The following GNAQ variants were observed in gnomAD, a reference collection of about 807,000 sequenced individuals.
The protein encoded by GNAQ is guanine nucleotide-binding protein G(q) subunit alpha.
A neutral mutation model predicts 43.9 loss-of-function variants in GNAQ; 8 were observed. That is an observed-to-expected ratio of 0.18 (90% CI 0.11 to 0.33). The LOEUF is 0.33. Ranked by LOEUF, GNAQ falls within the 10% of genes least tolerant of loss-of-function variation. The pLI is 1.00. For missense variants in GNAQ, 158 were observed against 450.8 expected, an observed-to-expected ratio of 0.35 and a Z score of 5.88; for synonymous variants, 155 against 170.7, an observed-to-expected ratio of 0.91 and a Z score of 0.71.
intron 1 of GNAQ, among the ~76,000 whole-genome samples, chr9:78,015,162 G>A (rs955127472): frequency 6.6e-6 from 1 of 152,166 alleles, no homozygotes; most frequent in Non-Finnish European, 1.5e-5. Context: ...GTTAAGATAT[G>A]TTTGGATACA....
chr9:77,742,199 A>C (rs1825663060), intron 5 of GNAQ, among the ~76,000 whole-genome samples: 1 of 152,198 alleles, frequency 6.6e-6, no homozygotes, highest in African/African-American at 2.4e-5. Context: ...CCTTCCCTGC[A>C]AACTGTAAAG....
At chr9:77,804,757 A>G (rs1826799956) in intron 3 of GNAQ, among the ~76,000 whole-genome samples, 1 of 152,192 alleles carries the variant, frequency 6.6e-6, no homozygotes, top group Non-Finnish European at 1.5e-5. Flanking sequence ...GAGAGGCTGC[A>G]TTTATAACAA....
intron 2 of GNAQ, among the ~76,000 whole-genome samples, chr9:77,888,893 C>T (rs967169165): frequency 2.6e-5 from 4 of 152,152 alleles, no homozygotes; most frequent in African/African-American, 9.6e-5. Context: ...GGAGAGGACA[C>T]GGAAGAGATT....
chr9:78,011,241 A>G lies in GNAQ; in HGVS notation c.136+19859T>C, dbSNP rs375580676. On this transcript the variant is annotated intron_variant, in intron 1 of 6. Transcript: ENST00000286548. Reference sequence around the variant, plus strand: ...CTCTACTCAGACAACTGAACAGCTAAAAATAGAATATATACCATCATCTTC... The same window carrying G: ...CTCTACTCAGACAACTGAACAGCTAGAAATAGAATATATACCATCATCTTC... 4.6e-5 allele frequency among the ~76,000 whole-genome samples: 7 copies of G among 152,210 alleles called. No homozygotes were observed. The South Asian group carries it at 1.4e-3, about 31-fold the overall frequency.
intron 1 of GNAQ, among the ~76,000 whole-genome samples, chr9:77,942,773 G>C (rs1338678785): frequency 6.6e-6 from 1 of 152,112 alleles, no homozygotes; most frequent in Non-Finnish European, 1.5e-5. Context: ...TAAAAATAAA[G>C]ACACTTGAAA....
chr9:78,007,953 T>A (rs1823727150), intron 1 of GNAQ, among the ~76,000 whole-genome samples: 1 of 152,060 alleles, frequency 6.6e-6, no homozygotes, highest in Admixed American at 6.6e-5. Flanking sequence ...AGGCCAAAAT[T>A]TTTTTTGGAA....
chr9:78,007,258 A>C (rs552575752), intron 1 of GNAQ, among the ~76,000 whole-genome samples: 1 of 152,310 alleles, frequency 6.6e-6, no homozygotes, highest in South Asian at 2.1e-4. Context: ...TTCAGCTGGG[A>C]AAGTACAAGT....
At chr9:77,823,963 A>G (rs1398185691) in intron 2 of GNAQ, among the ~76,000 whole-genome samples, 2 of 152,208 alleles carry the variant, frequency 1.3e-5, no homozygotes, top group Admixed American at 6.5e-5. Flanking sequence ...AAATTTTTCA[A>G]AATATAAAAT....
chr9:77,916,796 T>C (rs528967473), intron 2 of GNAQ, among the ~76,000 whole-genome samples: 20 of 151,764 alleles, frequency 1.3e-4, no homozygotes, highest in Non-Finnish European at 2.2e-4. Flanking sequence ...CCACTCAACA[T>C]TGGCCCAAGG....
chr9:77,879,244 A>G lies in GNAQ; in HGVS notation c.321+42917T>C, dbSNP rs138016955. 2.6e-4 allele frequency among the ~76,000 whole-genome samples: 40 copies of G among 152,180 alleles called. No homozygotes were observed. The South Asian group carries it at 5.4e-3, about 20-fold the overall frequency. On this transcript the variant is annotated intron_variant, in intron 2 of 6. Coordinates refer to ENST00000286548, the MANE Select transcript of GNAQ (RefSeq NM_002072.5). ...GTCACCCAGAAATTGTTCTTACTGG[A>G]TGCTGGATTTTTCTTTTTTAGTTTT... is the stretch of plus-strand genomic sequence containing the variant.
At chr9:77,805,497 TG>T (rs1215346359) in intron 3 of GNAQ, among the ~76,000 whole-genome samples, 11 of 151,920 alleles carry the variant, frequency 7.2e-5, no homozygotes, top group Non-Finnish European at 1.2e-4. Context: ...CTCTGCCTCC[TG>T]GGTTCAAGCG....
Position 77,887,849 on chromosome 9 carries a change from T to C in GNAQ, c.321+34312A>G, listed in dbSNP as rs539822420. ...AGGCTTCTTTCTGTTGCACTCTTAA[T>C]CATTTTGTCCACACCCTTTCAATAA... On this transcript the variant is annotated intron_variant, in intron 2 of 6. Coordinates refer to ENST00000286548, the MANE Select transcript of GNAQ (RefSeq NM_002072.5). Among the ~76,000 whole-genome samples, 6 of 152,340 alleles carry C rather than the reference T, an allele frequency of 3.9e-5. No homozygotes were observed. In the South Asian group the frequency reaches 1.0e-3, roughly 26 times the overall value.
chr9:78,026,754 G>C (rs955535041), intron 1 of GNAQ, among the ~76,000 whole-genome samples: 8 of 152,160 alleles, frequency 5.3e-5, no homozygotes, highest in Admixed American at 6.5e-5. Context: ...GCTTAAATTG[G>C]CTACAGCACT....
At chr9:77,835,165 G>C (rs1204449470) in intron 2 of GNAQ, among the ~76,000 whole-genome samples, 1 of 151,980 alleles carries the variant, frequency 6.6e-6, no homozygotes, top group Non-Finnish European at 1.5e-5. Flanking sequence ...ACAATACACA[G>C]AACAGCATGC....
At chr9:77,963,557 A>G (rs1489207986) in intron 1 of GNAQ, among the ~76,000 whole-genome samples, 1 of 152,180 alleles carries the variant, frequency 6.6e-6, no homozygotes, top group Non-Finnish European at 1.5e-5. Context: ...AGCACAATCA[A>G]AGCAATGGCT....
intron 1 of GNAQ, among the ~76,000 whole-genome samples, chr9:77,993,008 A>C (rs996996900): frequency 1.4e-4 from 21 of 152,200 alleles, no homozygotes; most frequent in African/African-American, 5.1e-4. Flanking sequence ...TTTCTATTGT[A>C]ATATCAGAAC....
chr9:77,956,136 A>T (rs889956137), intron 1 of GNAQ, among the ~76,000 whole-genome samples: 1 of 151,866 alleles, frequency 6.6e-6, no homozygotes, highest in Non-Finnish European at 1.5e-5. Context: ...GACTTATTCT[A>T]AAGTGTTTTA....
In GNAQ at chr9:77,909,365, G is replaced by C. The variant is rs561968699; in HGVS notation, c.321+12796C>G. Among the ~76,000 whole-genome samples the C allele has an allele frequency of 5.7e-4, 87 of 152,314 alleles. 1 individual carries two copies. Among genetic ancestry groups the C allele is most frequent in the African/African-American group, 2.0e-3 (83 of 41,574 alleles). On this transcript the variant is annotated intron_variant, in intron 2 of 6. Coordinates refer to ENST00000286548, the MANE Select transcript of GNAQ (RefSeq NM_002072.5). ...AGTAAAATGGCTAGAAGACGGTCAA[G>C]AGAAGAAAGACTAGGCTAGTGCCTT...
At chr9:77,830,340 GCA>G (rs1309061647) in intron 2 of GNAQ, among the ~76,000 whole-genome samples, 1 of 152,124 alleles carries the variant, frequency 6.6e-6, no homozygotes, top group African/African-American at 2.4e-5. Flanking sequence ...CATCCATGGG[GCA>G]CAGAGAGAAA....
Sources: allele counts gnomAD v4.1 joint callset (sites outside exome capture counted in the v4.1 genomes callset), GRCh38; gene constraint gnomAD v4.1.1; transcripts MANE v1.5; gene names NCBI Gene and HGNC (gene_info 2026-07-23, HGNC 2026-07-21).